CA10: variants seen among roughly 807,000 people sequenced by gnomAD.
The protein encoded by CA10 is carbonic anhydrase 10 (inactive).
In CA10, 14 loss-of-function variants were observed where a neutral mutation model predicts 44.2. That is an observed-to-expected ratio of 0.32 (90% CI 0.21 to 0.50). The LOEUF (loss-of-function observed/expected upper bound fraction) is 0.50, where lower values mean the gene tolerates loss of function less well. Among genes scored for constraint, CA10 ranks in the 20% least tolerant of loss-of-function variants. The pLI is 0.99. For missense variants in CA10, 350 were observed against 409.7 expected, an observed-to-expected ratio of 0.85 and a Z score of 1.26; for synonymous variants, 159 against 141.6, an observed-to-expected ratio of 1.12 and a Z score of -0.87.
intron 2 of CA10, among the ~76,000 whole-genome samples, chr17:52,042,458 G>A (rs933240458): frequency 6.6e-6 from 1 of 151,742 alleles, no homozygotes; most frequent in South Asian, 2.1e-4. Context: ...GTTTGGGTTG[G>A]TTGCTATTGA....
chr17:52,118,982 GA>G (rs1304378254), intron 1 of CA10, among the ~76,000 whole-genome samples: 22 of 152,156 alleles, frequency 1.4e-4, no homozygotes, highest in African/African-American at 5.3e-4. Flanking sequence ...AAATGTTCAT[GA>G]ATATCAAATA....
rs551227152 is a variant in CA10 at position 51,719,226 on chromosome 17, C to A, written c.465+28407G>T. 5.3e-5 allele frequency among the ~76,000 whole-genome samples: 8 copies of A among 152,198 alleles called. No homozygotes were observed. The South Asian group carries it at 1.4e-3, about 28-fold the overall frequency. On this transcript the variant is annotated intron_variant, in intron 4 of 8. Transcript: ENST00000451037. The stretch of plus-strand genomic sequence containing the variant: ...CATAAATGATGCATGACATCGCCTG[C>A]AAATTGAGGCATGAAGGCATGAAAT...
rs1597949730 is a variant in CA10, at chr17:51,631,478, G to A, written c.*106C>T. Reference sequence around the variant, plus strand: ...AGGGCCAATCCCAAGAATGAATGAGGCTTGGGGGAAAGAAGGAGAGAGAAG... The same window carrying A: ...AGGGCCAATCCCAAGAATGAATGAGACTTGGGGGAAAGAAGGAGAGAGAAG... On this transcript the variant is annotated 3_prime_UTR_variant, in exon 9 of 9. Coordinates refer to ENST00000451037, the MANE Select transcript of CA10 (RefSeq NM_020178.5). The A allele has an allele frequency of 9.3e-7, 1 of 1,072,880 alleles. No homozygotes were observed. Among genetic ancestry groups the A allele is most frequent in the Non-Finnish European group, 1.4e-6 (1 of 692,758 alleles). The allele number at this position is 1,072,880 out of a possible 1,614,324, so 66.5% of individuals were successfully genotyped here.
chr17:51,817,301 T>C (rs1270883128), intron 3 of CA10, among the ~76,000 whole-genome samples: 1 of 152,220 alleles, frequency 6.6e-6, no homozygotes, highest in East Asian at 1.9e-4. Flanking sequence ...GGTTTACATA[T>C]TGTCTGTGCC....
intron 3 of CA10, among the ~76,000 whole-genome samples, chr17:51,839,461 C>T (rs568003244): frequency 7.7e-6 from 1 of 129,560 alleles, no homozygotes; most frequent in Admixed American, 8.4e-5. Context: ...CCACTGCACT[C>T]CAGCCTGGGT....
intron 3 of CA10, among the ~76,000 whole-genome samples, chr17:51,800,549 A>G (rs145733655): frequency 1.2e-4 from 18 of 152,256 alleles, no homozygotes; most frequent in Admixed American, 4.6e-4. Flanking sequence ...CTTTAAAGTT[A>G]CTCAGCACAG....
intron 1 of CA10, among the ~76,000 whole-genome samples, chr17:52,105,071 G>A (rs1988628755): frequency 6.6e-6 from 1 of 152,042 alleles, no homozygotes. Context: ...GGCAACATGG[G>A]TAATTTTAAA....
chr17:52,146,177 C>T (rs1425107799), intron 1 of CA10, among the ~76,000 whole-genome samples: 1 of 152,146 alleles, frequency 6.6e-6, no homozygotes, highest in Non-Finnish European at 1.5e-5. Flanking sequence ...AGGTGCAACA[C>T]ACCAACATGG....
intron 2 of CA10, among the ~76,000 whole-genome samples, chr17:52,001,818 T>C (rs1284638810): frequency 1.3e-5 from 2 of 151,940 alleles, no homozygotes; most frequent in Admixed American, 1.3e-4. Context: ...ATGATAAAAA[T>C]GGGTGTTTGG....
chr17:51,867,477 T>C (rs1248038317), intron 3 of CA10, among the ~76,000 whole-genome samples: 1 of 152,226 alleles, frequency 6.6e-6, no homozygotes, highest in Non-Finnish European at 1.5e-5. Flanking sequence ...CTTTAAATTC[T>C]TTAAGTCTCA....
At chr17:51,808,762 C>T (rs931747908) in intron 3 of CA10, among the ~76,000 whole-genome samples, 1 of 152,152 alleles carries the variant, frequency 6.6e-6, no homozygotes, top group Admixed American at 6.5e-5. Flanking sequence ...CAAAATTACA[C>T]ATGTCTAAAA....
At position 51,750,560 on chromosome 17, in the gene CA10, C is replaced by T. The variant is rs965986167; in HGVS notation, c.280-2742G>A. Among the ~76,000 whole-genome samples, 4 of 152,258 alleles carry T rather than the reference C, an allele frequency of 2.6e-5. No individual in the cohort carries two copies. The South Asian group carries it at 6.2e-4, about 24-fold the overall frequency. On this transcript the variant is annotated intron_variant, in intron 3 of 8. Transcript: ENST00000451037. ...ACATCCTCATGGATAAATCTTTTCA[C>T]GAATCCAGAGATATTTCATTATGCA...
chr17:51,936,622 G>C (rs894617806), intron 2 of CA10, among the ~76,000 whole-genome samples: 1 of 152,164 alleles, frequency 6.6e-6, no homozygotes, highest in African/African-American at 2.4e-5. Flanking sequence ...ATGGGGGCTG[G>C]CTGGGTAGAC....
intron 1 of CA10, among the ~76,000 whole-genome samples, chr17:52,084,385 A>G (rs1988063816): frequency 6.6e-6 from 1 of 152,220 alleles, no homozygotes; most frequent in Non-Finnish European, 1.5e-5. Context: ...CTGAGCATGC[A>G]CTATATGACA....
chr17:51,929,925 C>T (rs1393862794), intron 3 of CA10, among the ~76,000 whole-genome samples: 1 of 152,122 alleles, frequency 6.6e-6, no homozygotes, highest in Admixed American at 6.5e-5. Flanking sequence ...GTGTCGACCA[C>T]ATGCAATGTC....
intron 2 of CA10, among the ~76,000 whole-genome samples, chr17:52,012,822 A>G (rs1408630516): frequency 1.8e-5 from 2 of 112,422 alleles, no homozygotes; most frequent in Non-Finnish European, 3.9e-5. Context: ...AAATGTGTTA[A>G]TTATAAAAAA....
intron 3 of CA10, among the ~76,000 whole-genome samples, chr17:51,770,432 C>T (rs111940225): frequency 0.038 from 5,738 of 151,356 alleles, 318 homozygotes; most frequent in African/African-American, 0.12. Flanking sequence ...TGGAGGGGCA[C>T]GAAATAATAC....
At chr17:51,776,312 T>C (rs901607711) in intron 3 of CA10, among the ~76,000 whole-genome samples, 9 of 151,986 alleles carry the variant, frequency 5.9e-5, no homozygotes, top group African/African-American at 2.2e-4. Context: ...GAGATGGAGA[T>C]TGTAGTGGGT....
At chr17:51,718,220 AAG>A (rs1221827155) in intron 4 of CA10, among the ~76,000 whole-genome samples, 1 of 22,418 alleles carries the variant, frequency 4.5e-5, no homozygotes, top group African/African-American at 1.2e-4. Context: ...TTATGAAAAA[AAG>A]ATTTAAAATG....
Sources: gnomAD v4.1 joint callset for allele counts (sites outside exome capture counted in the v4.1 genomes callset) on GRCh38, gnomAD v4.1.1 for gene constraint, MANE v1.5 for transcripts, NCBI Gene and HGNC (gene_info 2026-07-23, HGNC 2026-07-21) for gene names.